The following ZNF701 variants were observed in gnomAD, a reference collection of about 807,000 sequenced individuals.
ZNF701 encodes zinc finger protein 701.
Under a neutral mutation model 7.1 loss-of-function variants are expected in ZNF701, and 6 were observed. The ratio of observed to expected loss-of-function variants is 0.84; its 90% CI spans 0.46 to 1.66. ZNF701 has a LOEUF of 1.66. ZNF701 is among the 40% of genes most tolerant of loss of function. The probability of loss-of-function intolerance (pLI) is 0.01; values close to 1 mark genes in which losing one functional copy is unlikely to be tolerated. For missense variants in ZNF701, 541 were observed against 559.2 expected (o/e 0.97, Z 0.33); for synonymous variants, 166 against 188.2 (o/e 0.88, Z 0.97).
In ZNF701 at chr19:52,583,495, C is replaced by A. The variant is rs759761569; in HGVS notation, c.*38C>A. On this transcript the variant is annotated 3_prime_UTR_variant, in exon 4 of 4. Coordinates refer to ENST00000391785, the MANE Select transcript of ZNF701 (RefSeq NM_018260.3). Reference sequence around the variant, plus strand: ...GCAAGGTTTTTAGGCAACAGTCAAACCTTGCATGTCATCATAGACTTTATA... The same window carrying A: ...GCAAGGTTTTTAGGCAACAGTCAAAACTTGCATGTCATCATAGACTTTATA... 8 of 1,607,838 alleles carry A rather than the reference C, an allele frequency of 5.0e-6. No homozygotes were observed. The highest frequency in any genetic ancestry group is 1.1e-5 in the South Asian group (1 of 90,440).
the ZNF701 span, chr19:52,595,688 G>C: frequency 2.1e-5 from 30 of 1,411,230 alleles, no homozygotes; most frequent in Non-Finnish European, 2.9e-5. Context: ...GATTCACACA[G>C]GGACGTTGCA....
At chr19:52,590,479 C>G (rs2060032785), downstream of ZNF701, among the ~76,000 whole-genome samples, 3 of 152,132 alleles carry the variant, frequency 2.0e-5, no homozygotes, top group Non-Finnish European at 4.4e-5. Flanking sequence ...ATGTTTAGCC[C>G]TAGGGTTTCT....
the ZNF701 span, chr19:52,596,349 A>T: frequency 2.5e-6 from 1 of 402,176 alleles, no homozygotes. Flanking sequence ...CATAGACTTC[A>T]TACTGTACAG....
In ZNF701 at chr19:52,583,846, G is replaced by A. The variant is rs2059992567; in HGVS notation, c.*389G>A. On this transcript the variant is annotated 3_prime_UTR_variant, in exon 4 of 4. Transcript: ENST00000391785. ...AATATTACAGCCATTGCAAAACATTGGAGAATCCATAATGAAGGAGGTCTT... is the reference window on the plus strand; with the variant it reads ...AATATTACAGCCATTGCAAAACATTAGAGAATCCATAATGAAGGAGGTCTT... 3.8e-6 allele frequency: 2 copies of A among 522,916 alleles called. No homozygotes were observed. Among genetic ancestry groups the A allele is most frequent in the Admixed American group, 5.2e-5 (2 of 38,454 alleles). 32.4% of individuals were successfully genotyped at this position (522,916 alleles called of 1,614,324 possible).
At position 52,571,495 on chromosome 19, in the gene ZNF701, TTAAA is replaced by T. The variant is rs2059899748; in HGVS notation, c.-72+1169_-72+1172del. Among the ~76,000 whole-genome samples the T allele has an allele frequency of 1.3e-5, 2 of 152,152 alleles. 1 individual carries two copies. The highest frequency in any genetic ancestry group is 4.2e-4 in the South Asian group (2 of 4,816). On this transcript the variant is annotated intron_variant, in intron 1 of 3. Transcript: ENST00000391785. ...ATTGGGGAGAAGGAGCAACAAGAGA[TTAAA>T]TAAGACGTGAGGATGGAGCCCAGGT...
downstream of ZNF701, among the ~76,000 whole-genome samples, chr19:52,590,664 G>A (rs1164780489): frequency 2.0e-5 from 3 of 151,900 alleles, no homozygotes; most frequent in African/African-American, 4.8e-5. Flanking sequence ...ACAATCTTGG[G>A]TCACTTTATC....
chr19:52,590,808 G>T (rs2060033950), downstream of ZNF701, among the ~76,000 whole-genome samples: 1 of 152,126 alleles, frequency 6.6e-6, no homozygotes, highest in Non-Finnish European at 1.5e-5. Flanking sequence ...TTTGTAGTGT[G>T]TACAGGAGAG....
At chr19:52,572,184 A>G in intron 1 of ZNF701, 1 of 320,174 alleles carries the variant, frequency 3.1e-6, no homozygotes, top group South Asian at 2.3e-5. Flanking sequence ...CTTCCTGAGT[A>G]GCTGGAATTA....
At position 52,586,185 on chromosome 19, in the gene ZNF701, CCGCG is replaced by C; in HGVS notation, c.*2732_*2735del. ...GCCTGCAGAGTAGCTGGGACCACAG[CCGCG>C]CGCCACCACACCGCGCCAATTTTTG... On this transcript the variant is annotated 3_prime_UTR_variant, in exon 4 of 4. Coordinates refer to ENST00000391785, the MANE Select transcript of ZNF701 (RefSeq NM_018260.3). 1 of 152,196 alleles carries C rather than the reference CCGCG, an allele frequency of 6.6e-6. No homozygotes were observed. The highest frequency in any genetic ancestry group is 2.0e-4 in the East Asian group (1 of 5,120). 9.4% of individuals were successfully genotyped at this position (152,196 alleles called of 1,614,324 possible). A position where few individuals can be genotyped will look rare whatever the true frequency, so the allele number is the denominator to read the frequency against.
the ZNF701 span, among the ~76,000 whole-genome samples, chr19:52,595,270 A>G: frequency 7.9e-6 from 1 of 126,556 alleles, no homozygotes; most frequent in Non-Finnish European, 1.6e-5. Context: ...ATTATTTACC[A>G]TCTGTACTTT....
At chr19:52,578,918 T>C (rs8111160) in intron 3 of ZNF701, among the ~76,000 whole-genome samples, 26,707 of 150,392 alleles carry the variant, frequency 0.18, 4,341 homozygotes, top group African/African-American at 0.43. Flanking sequence ...CCACCGCGCC[T>C]GGCTAATTTT....
rs371783538 is a variant in ZNF701 at position 52,583,484 on chromosome 19, C to T, written c.*27C>T. 121 of 1,608,154 alleles carry T rather than the reference C, an allele frequency of 7.5e-5. No individual in the cohort carries two copies. Among genetic ancestry groups the T allele is most frequent in the Non-Finnish European group, 9.5e-5 (112 of 1,176,526 alleles). Reference sequence around the variant, plus strand: ...AGTGTAAATTTGCAAGGTTTTTAGGCAACAGTCAAACCTTGCATGTCATCA... The same window carrying T: ...AGTGTAAATTTGCAAGGTTTTTAGGTAACAGTCAAACCTTGCATGTCATCA... On this transcript the variant is annotated 3_prime_UTR_variant, in exon 4 of 4. Transcript: ENST00000391785.
At chr19:52,593,034 A>G in the ZNF701 span, among the ~76,000 whole-genome samples, 48 of 116,806 alleles carry the variant, frequency 4.1e-4, 16 homozygotes, top group South Asian at 2.3e-3. Context: ...ATCTTGCACC[A>G]CCCTTAATCC....
rs141741740 is a variant in ZNF701 at position 52,582,382 on chromosome 19, G to A, written c.323G>A (p.Gly108Asp). ...VFQWQENETN[G>D]HEALMTKTKK... ...CAGTGGCAAGAAAATGAAACAAATG[G>A]CCATGAAGCACTCATGACAAAAACC... Residue 108 changes from glycine (G) to aspartate (D), a missense_variant, in exon 4 of 4, where the codon GGC becomes GAC. Gly to Asp is a moderately conservative substitution (Grantham distance 94). Coordinates refer to ENST00000391785, the MANE Select transcript of ZNF701 (RefSeq NM_018260.3). The A allele has an allele frequency of 3.5e-4, 567 of 1,613,624 alleles. 3 individuals carry two copies. The Middle Eastern group carries it at 0.013, about 36-fold the overall frequency.
Position 52,585,082 on chromosome 19 carries a change from T to G in ZNF701, c.*1625T>G, listed in dbSNP as rs1281723331. On this transcript the variant is annotated 3_prime_UTR_variant, in exon 4 of 4. Transcript: ENST00000391785. ...CTCAGAGCAAATTGAGACGTCCGGG[T>G]GGGAGTCCGTGAGTCTTTTCCTTTT... The G allele has an allele frequency of 1.3e-5, 2 of 151,788 alleles. No individual in the cohort carries two copies. Among genetic ancestry groups the G allele is most frequent in the Non-Finnish European group, 2.9e-5 (2 of 67,882 alleles). The allele number at this position is 151,788 out of a possible 1,614,324, so 9.4% of individuals were successfully genotyped here.
At chr19:52,590,215 C>T (rs2060031814), downstream of ZNF701, among the ~76,000 whole-genome samples, 1 of 151,862 alleles carries the variant, frequency 6.6e-6, no homozygotes, top group Admixed American at 6.6e-5. Context: ...CTTCTCCTGC[C>T]TCAGCCTCTA....
chr19:52,599,688 T>C, the ZNF701 span, among the ~76,000 whole-genome samples: 1 of 152,328 alleles, frequency 6.6e-6, no homozygotes, highest in African/African-American at 2.4e-5. Flanking sequence ...GCTGATCCCA[T>C]TCATTTAGAG....
chr19:52,571,431 A>AAGAGGCGGAAATATATGG (rs1250189728), intron 1 of ZNF701, among the ~76,000 whole-genome samples: 1 of 152,152 alleles, frequency 6.6e-6, no homozygotes, highest in Non-Finnish European at 1.5e-5. Context: ...GAGATGGGAT[A>AAGAGGCGGAAATATATGG]AGAGGCGGAA....
chr19:52,592,371 T>G, the ZNF701 span: 1 of 959,146 alleles, frequency 1.0e-6, no homozygotes, highest in Non-Finnish European at 1.5e-6. Context: ...GACCCTCATA[T>G]TTGTCATGGA....
Sources: gnomAD v4.1 joint callset for allele counts (sites outside exome capture counted in the v4.1 genomes callset) on GRCh38, gnomAD v4.1.1 for gene constraint, MANE v1.5 for transcripts, NCBI Gene and HGNC (gene_info 2026-07-23, HGNC 2026-07-21) for gene names.